The following ARHGAP28 variants were observed in gnomAD, a reference collection of about 807,000 sequenced individuals.
ARHGAP28 encodes the protein Rho GTPase activating protein 28.
In ARHGAP28, 56 loss-of-function variants were observed where a neutral mutation model predicts 90.7. The ratio of observed to expected loss-of-function variants is 0.62; its 90% CI spans 0.50 to 0.77. The LOEUF (loss-of-function observed/expected upper bound fraction) is 0.77. ARHGAP28 is among the 30% of genes least tolerant of loss of function. The pLI is 0.00. For synonymous variants in ARHGAP28, 308 were observed against 323.3 expected (o/e 0.95, Z 0.51); for missense variants, 869 against 900.9 (o/e 0.96, Z 0.45).
At chr18:6,848,428 A>C (rs2056883013) in intron 3 of ARHGAP28, among the ~76,000 whole-genome samples, 2 of 152,192 alleles carry the variant, frequency 1.3e-5, no homozygotes, top group African/African-American at 2.4e-5. Context: ...GTGAACACTC[A>C]CTAAGTGCCT....
In ARHGAP28 at chr18:6,822,952, G is replaced by A. The variant is rs948226782; in HGVS notation, c.123-1810G>A. Among the ~76,000 whole-genome samples the A allele has an allele frequency of 7.9e-5, 12 of 152,246 alleles. No individual in the cohort carries two copies. In the East Asian group the frequency reaches 1.7e-3, roughly 22 times the overall value. On this transcript the variant is annotated intron_variant, in intron 1 of 17. Coordinates refer to ENST00000383472, the MANE Select transcript of ARHGAP28 (RefSeq NM_001366230.1). ...CCATGGCTAAATTTGATAACAATCCGCTGCTGCTCAGCATGTCAACATGTA... is the reference window on the plus strand; with the variant it reads ...CCATGGCTAAATTTGATAACAATCCACTGCTGCTCAGCATGTCAACATGTA...
chr18:6,875,506 C>G (rs186890076), intron 9 of ARHGAP28, among the ~76,000 whole-genome samples: 1 of 152,152 alleles, frequency 6.6e-6, no homozygotes, highest in Non-Finnish European at 1.5e-5. Context: ...TACAGTGAAT[C>G]GAACTGTTCT....
chr18:6,900,046 T>G (rs1259377339), intron 16 of ARHGAP28, among the ~76,000 whole-genome samples: 1 of 152,028 alleles, frequency 6.6e-6, no homozygotes, highest in African/African-American at 2.4e-5. Flanking sequence ...CCCACCCTGG[T>G]GGCAGCAGAG....
intron 1 of ARHGAP28, among the ~76,000 whole-genome samples, chr18:6,781,413 G>A (rs189241617): frequency 4.6e-5 from 7 of 152,294 alleles, no homozygotes; most frequent in Non-Finnish European, 8.8e-5. Context: ...AGCCAGGCAC[G>A]TCTGTCAGGC....
At chr18:6,850,590 T>C (rs1181366049) in intron 3 of ARHGAP28, among the ~76,000 whole-genome samples, 2 of 152,218 alleles carry the variant, frequency 1.3e-5, no homozygotes, top group Non-Finnish European at 2.9e-5. Context: ...ACCATGTCCA[T>C]GCTTCTGAAA....
chr18:6,834,572 T>C (rs1297090062), intron 2 of ARHGAP28: 1 of 152,180 alleles, frequency 6.6e-6, no homozygotes, highest in Non-Finnish European at 1.5e-5. Context: ...ATTATTTTTG[T>C]TTTCATTTGA....
At chr18:6,844,007 C>T (rs2056847091) in intron 3 of ARHGAP28, among the ~76,000 whole-genome samples, 1 of 152,144 alleles carries the variant, frequency 6.6e-6, no homozygotes, top group Non-Finnish European at 1.5e-5. Context: ...AATTCCAGTA[C>T]CCAAATACAT....
chr18:6,761,546 AG>A (rs1368201698), intron 1 of ARHGAP28, among the ~76,000 whole-genome samples: 1 of 152,172 alleles, frequency 6.6e-6, no homozygotes, highest in Non-Finnish European at 1.5e-5. Context: ...CTGGGCTCCT[AG>A]GCCCTAGGCT....
chr18:6,844,333 C>T (rs1018200227), intron 3 of ARHGAP28, among the ~76,000 whole-genome samples: 22 of 152,148 alleles, frequency 1.4e-4, no homozygotes, highest in Admixed American at 9.8e-4. Context: ...TTTTGTCTTT[C>T]TTTTTGGCTT....
chr18:6,883,436 G>A lies in ARHGAP28; in HGVS notation c.1453+1137G>A, dbSNP rs570310915. Among the ~76,000 whole-genome samples, 11 of 151,992 alleles carry A rather than the reference G, an allele frequency of 7.2e-5. No individual in the cohort carries two copies. In the South Asian group the frequency reaches 1.7e-3, roughly 23 times the overall value. ...GTATTTTTAGTAGAGACGGGGTTTC[G>A]CCATGTTGGCCAGGCTGGTCTCAAA... On this transcript the variant is annotated intron_variant, in intron 11 of 17. Transcript: ENST00000383472.
chr18:6,888,732 T>A (rs552978448), intron 12 of ARHGAP28, among the ~76,000 whole-genome samples: 5 of 152,258 alleles, frequency 3.3e-5, no homozygotes, highest in Non-Finnish European at 5.9e-5. Context: ...ATCAAATAAT[T>A]CAATACATTT....
intron 7 of ARHGAP28, among the ~76,000 whole-genome samples, chr18:6,871,852 G>A (rs1206469280): frequency 3.3e-5 from 5 of 152,108 alleles, no homozygotes; most frequent in South Asian, 2.1e-4. Context: ...TGCCTTCTAC[G>A]GGCCTGACAC....
At chr18:6,827,418 A>AC (rs1188830833) in intron 2 of ARHGAP28, among the ~76,000 whole-genome samples, 27 of 128,862 alleles carry the variant, frequency 2.1e-4, no homozygotes, top group African/African-American at 3.9e-4. Context: ...AGGGGGGTTG[A>AC]CCCCCCCACC....
At chr18:6,910,369 C>T (rs919365502) in intron 17 of ARHGAP28, among the ~76,000 whole-genome samples, 3 of 152,210 alleles carry the variant, frequency 2.0e-5, no homozygotes, top group African/African-American at 4.8e-5. Flanking sequence ...TTGGCGAGCT[C>T]AATCCATCTC....
chr18:6,903,302 T>A (rs1350228206), intron 16 of ARHGAP28, among the ~76,000 whole-genome samples: 1 of 152,204 alleles, frequency 6.6e-6, no homozygotes, highest in Non-Finnish European at 1.5e-5. Flanking sequence ...TGTGATACAT[T>A]TCGTTATATG....
Position 6,896,541 on chromosome 18 carries a change from C to T in ARHGAP28, c.1945C>T (p.Leu649Phe), listed in dbSNP as rs2057306177. 1.9e-6 allele frequency: 3 copies of T among 1,614,186 alleles called. No individual in the cohort carries two copies. Among genetic ancestry groups the T allele is most frequent in the Non-Finnish European group, 2.5e-6 (3 of 1,180,016 alleles). ...AGGAGTCATACGGGTCCATGCTCCA[C>T]TTCTCTCCAAGGTGTCCATGGCCAT... Reference protein sequence around the residue: ...PEGVIRVHAPLLSKVSMAIQL... With the variant: ...PEGVIRVHAPFLSKVSMAIQL... Residue 649 changes from leucine (L) to phenylalanine (F), a missense_variant, in exon 16 of 18, where the codon CTT becomes TTT. By Grantham distance (22) the Leu-to-Phe change is conservative. Coordinates refer to ENST00000383472, the MANE Select transcript of ARHGAP28 (RefSeq NM_001366230.1).
intron 10 of ARHGAP28, among the ~76,000 whole-genome samples, chr18:6,881,553 C>G (rs1366571559): frequency 3.3e-5 from 5 of 152,144 alleles, no homozygotes; most frequent in African/African-American, 1.2e-4. Context: ...CCAAACCTTA[C>G]AAAGGATTGG....
chr18:6,750,954 G>A (rs2056064049), intron 1 of ARHGAP28, among the ~76,000 whole-genome samples: 1 of 151,980 alleles, frequency 6.6e-6, no homozygotes, highest in Non-Finnish European at 1.5e-5. Flanking sequence ...TAAAACCTGG[G>A]CCAGTTAGAG....
At chr18:6,783,194 T>A (rs954635189) in intron 1 of ARHGAP28, among the ~76,000 whole-genome samples, 7 of 152,228 alleles carry the variant, frequency 4.6e-5, no homozygotes, top group African/African-American at 1.7e-4. Context: ...CCACTTGGGG[T>A]TCTTTTCTTC....
Sources: gnomAD v4.1 joint callset for allele counts (sites outside exome capture counted in the v4.1 genomes callset) on GRCh38, gnomAD v4.1.1 for gene constraint, MANE v1.5 for transcripts, NCBI Gene and HGNC (gene_info 2026-07-23, HGNC 2026-07-21) for gene names.